The following TMEM74B variants were observed in gnomAD, a reference collection of about 807,000 sequenced individuals.
TMEM74B encodes transmembrane protein 74B, also known as transmembrane protein C20orf46.
In TMEM74B, 7 loss-of-function variants were observed where a neutral mutation model predicts 6.5. That is an observed-to-expected ratio of 1.07 (90% CI 0.61 to 2.01). The LOEUF is 2.01. TMEM74B is among the 30% of genes most tolerant of loss of function. The probability of loss-of-function intolerance (pLI) is 0.00; values close to 1 mark genes in which losing one functional copy is unlikely to be tolerated. For synonymous variants in TMEM74B, 151 were observed against 151.6 expected, an observed-to-expected ratio of 1.00 and a Z score of 0.03; for missense variants, 342 against 337.0, an observed-to-expected ratio of 1.01 and a Z score of -0.12.
chr20:1,186,982 A>C (rs1832250673), upstream of TMEM74B, among the ~76,000 whole-genome samples: 1 of 152,198 alleles, frequency 6.6e-6, no homozygotes, highest in Non-Finnish European at 1.5e-5. Flanking sequence ...TGTTATGGGA[A>C]TGGGATGAGA....
At position 1,181,324 on chromosome 20, in the gene TMEM74B, G is replaced by C; in HGVS notation, c.295C>G (p.Arg99Gly). 6.2e-7 allele frequency: 1 copy of C among 1,600,768 alleles called. No individual in the cohort carries two copies. The highest frequency in any genetic ancestry group is 8.5e-7 in the Non-Finnish European group (1 of 1,172,474). The part of the protein sequence containing the change: ...GGVSSLPRSQ[R>G]DDLSLHSEEG... Reference sequence around the variant, plus strand: ...TCTGAATGAAGGGACAGATCATCCCGCTGGGATCGGGGCAGTGAGGAGACA... The same window carrying C: ...TCTGAATGAAGGGACAGATCATCCCCCTGGGATCGGGGCAGTGAGGAGACA... The change falls in exon 3 of 3, where the codon CGG becomes GGG. Residue 99 changes from arginine to glycine, a missense_variant. Transcript: ENST00000429036. This position sits in a 1 kb window ranked among gnomAD's most constrained non-coding sequence, Gnocchi z 4.9.
At position 1,184,116 on chromosome 20, in the gene TMEM74B, A is replaced by G. The variant is rs979149434; in HGVS notation, c.-147-168T>C. On this transcript the variant is annotated intron_variant, in intron 1 of 2. Coordinates refer to ENST00000429036, the MANE Select transcript of TMEM74B (RefSeq NM_001304748.2). The surrounding 1 kb of genome is among the most constrained non-coding windows in gnomAD (Gnocchi z 6.0). ...CCACACCCTCAGCACCTTCCACCCAACTCAGCTCCTGGAGTGGCCCAGGAA... is the reference window on the plus strand; with the variant it reads ...CCACACCCTCAGCACCTTCCACCCAGCTCAGCTCCTGGAGTGGCCCAGGAA... 3.3e-6 allele frequency: 1 copy of G among 301,792 alleles called. No homozygotes were observed. The highest frequency in any genetic ancestry group is 5.1e-5 in the South Asian group (1 of 19,512). The allele number at this position is 301,792 out of a possible 1,614,324, so 18.7% of individuals were successfully genotyped here. A position where few individuals can be genotyped will look rare whatever the true frequency, so the allele number is the denominator to read the frequency against.
intron 2 of TMEM74B, among the ~76,000 whole-genome samples, chr20:1,182,607 A>G (rs1271588739): frequency 1.3e-5 from 2 of 152,152 alleles, no homozygotes; most frequent in African/African-American, 2.4e-5. Context: ...GCCTTTATGT[A>G]AACAGAAGTG....
At chr20:1,183,347 A>G (rs1000172295) in intron 2 of TMEM74B, among the ~76,000 whole-genome samples, 3 of 149,518 alleles carry the variant, frequency 2.0e-5, no homozygotes, top group Admixed American at 2.0e-4. Context: ...AATATGAGCA[A>G]ATGAAGTGAG....
Position 1,183,870 on chromosome 20 carries a change from C to A in TMEM74B, c.-69G>T. The A allele has an allele frequency of 6.3e-7, 1 of 1,592,948 alleles. No homozygotes were observed. Among genetic ancestry groups the A allele is most frequent in the South Asian group, 1.1e-5 (1 of 89,422 alleles). On this transcript the variant is annotated 5_prime_UTR_variant, in exon 2 of 3. An upstream open reading frame in the 5' UTR loses its in-frame stop. Transcript: ENST00000429036. ...CTCTTCATTTTATCCAGCTGTTTATCAGCAACCGTGAGCACCTTGAGAGCA... is the reference window on the plus strand; with the variant it reads ...CTCTTCATTTTATCCAGCTGTTTATAAGCAACCGTGAGCACCTTGAGAGCA...
At position 1,181,538 on chromosome 20, in the gene TMEM74B, A is replaced by G; in HGVS notation, c.81T>C (p.Ser27=). The change falls in exon 3 of 3, where the codon TCT becomes TCC. Residue 27 remains serine (S), a synonymous_variant. Coordinates refer to ENST00000429036, the MANE Select transcript of TMEM74B (RefSeq NM_001304748.2). The surrounding 1 kb of genome is among the most constrained non-coding windows in gnomAD (Gnocchi z 4.9). The stretch of plus-strand genomic sequence containing the variant: ...GTGTCTTCAGTTCCAGACCAGGGGG[A>G]GATGCCATTGGGAAGGAGGGCCCCA... ...DELGPSFPMA[S]PPGLELKTLS... is the part of the protein sequence containing the mutation. The G allele has an allele frequency of 1.4e-6, 2 of 1,477,902 alleles. No individual in the cohort carries two copies. Among genetic ancestry groups the G allele is most frequent in the Non-Finnish European group, 1.8e-6 (2 of 1,117,804 alleles). The allele number at this position is 1,477,902 out of a possible 1,614,324, so 91.5% of individuals were successfully genotyped here.
upstream of TMEM74B, among the ~76,000 whole-genome samples, chr20:1,187,477 G>C (rs2087036026): frequency 6.6e-6 from 1 of 152,216 alleles, no homozygotes; most frequent in African/African-American, 2.4e-5. Context: ...CAGGAAGCTT[G>C]TATTCTAGTG....
In TMEM74B at chr20:1,180,804, T is replaced by C. The variant is rs1568492566; in HGVS notation, c.*44A>G. ...GGTGGGCGGGAGCAGGGGGTGGACC[T>C]TGTAGCACTGGAGCTAAAGCAGCCA... On this transcript the variant is annotated 3_prime_UTR_variant, in exon 3 of 3. Transcript: ENST00000429036. The surrounding 1 kb of genome is among the most constrained non-coding windows in gnomAD (Gnocchi z 6.1). 1 of 1,529,012 alleles carries C rather than the reference T, an allele frequency of 6.5e-7. No individual in the cohort carries two copies. The highest frequency in any genetic ancestry group is 2.3e-5 in the East Asian group (1 of 43,954). The allele number at this position is 1,529,012 out of a possible 1,614,324, so 94.7% of individuals were successfully genotyped here. A position where few individuals can be genotyped will look rare whatever the true frequency, so the allele number is the denominator to read the frequency against.
chr20:1,186,338 A>C (rs1171794111), upstream of TMEM74B: 1 of 152,256 alleles, frequency 6.6e-6, no homozygotes, highest in Non-Finnish European at 1.5e-5. Flanking sequence ...TTTCCTTTAC[A>C]GGGCCGGAGT....
At chr20:1,185,982 A>T (rs964660183), upstream of TMEM74B, 1 of 152,056 alleles carries the variant, frequency 6.6e-6, no homozygotes, top group African/African-American at 2.4e-5. Flanking sequence ...TTTTCTCTGC[A>T]ATTTTTTTCT....
chr20:1,181,537 G>A lies in TMEM74B; in HGVS notation c.82C>T (p.Pro28Ser), dbSNP rs1465535802. ...AGTGTCTTCAGTTCCAGACCAGGGG[G>A]AGATGCCATTGGGAAGGAGGGCCCC... ...ELGPSFPMAS[P>S]PGLELKTLSN... The change falls in exon 3 of 3, where the codon CCC (proline) becomes TCC (serine). Residue 28 changes from proline (P) to serine (S), a missense_variant. Physicochemically the swap from Pro to Ser is moderately conservative, Grantham distance 74. Transcript: ENST00000429036. This position sits in a 1 kb window ranked among gnomAD's most constrained non-coding sequence, Gnocchi z 4.9. 6.7e-7 allele frequency: 1 copy of A among 1,481,496 alleles called. No individual in the cohort carries two copies. Among genetic ancestry groups the A allele is most frequent in the African/African-American group, 1.4e-5 (1 of 70,512 alleles). 91.8% of individuals were successfully genotyped at this position (1,481,496 alleles called of 1,614,324 possible).
chr20:1,183,642 C>T (rs1377305568), intron 2 of TMEM74B, 129 bp downstream of exon 2: 3 of 1,131,020 alleles, frequency 2.7e-6, no homozygotes, highest in Admixed American at 4.0e-5. Context: ...ATATCACCCT[C>T]ACCAGCCCCA....
rs1415804937 is a variant in TMEM74B at position 1,184,649 on chromosome 20, C to CAT, written c.-496_-495insAT. On this transcript the variant is annotated 5_prime_UTR_variant, in exon 1 of 3. The change creates a new upstream start codon in the 5' untranslated region. Coordinates refer to ENST00000429036, the MANE Select transcript of TMEM74B (RefSeq NM_001304748.2). The surrounding 1 kb of genome is among the most constrained non-coding windows in gnomAD (Gnocchi z 6.0). ...ACACACACACACACACACACACACA[C>CAT]ACACACAAAGTGCCCCTGGGAGTGA... 2 of 145,594 alleles carry CAT rather than the reference C, an allele frequency of 1.4e-5. No homozygotes were observed. The highest frequency in any genetic ancestry group is 3.0e-5 in the Non-Finnish European group (2 of 66,550). The allele number at this position is 145,594 out of a possible 1,614,324, so 9.0% of individuals were successfully genotyped here. A position where few individuals can be genotyped will look rare whatever the true frequency, so the allele number is the denominator to read the frequency against.
chr20:1,187,279 C>A (rs986396325), upstream of TMEM74B, among the ~76,000 whole-genome samples: 5 of 152,118 alleles, frequency 3.3e-5, no homozygotes, highest in South Asian at 2.1e-4. Context: ...TTGCTTATTG[C>A]CACCTCCCCT....
rs142394583 is a variant in TMEM74B, at chr20:1,183,290, CTG to C, written c.31+479_31+480del. 3.7e-3 allele frequency among the ~76,000 whole-genome samples: 547 copies of C among 149,190 alleles called. 6 individuals carry two copies. Among genetic ancestry groups the C allele is most frequent in the African/African-American group, 7.5e-3 (301 of 40,326 alleles). On this transcript the variant is annotated intron_variant, in intron 2 of 2. Transcript: ENST00000429036. ...TCTCCAGTGCACTGTGGTTCGTTCTCTGTGTGTGTGTGTGTGTGTGTGTGTTT... is the reference window on the plus strand; with the variant it reads ...TCTCCAGTGCACTGTGGTTCGTTCTCTGTGTGTGTGTGTGTGTGTGTGTTT...
intron 2 of TMEM74B, among the ~76,000 whole-genome samples, chr20:1,182,081 A>G (rs1380076728): frequency 1.3e-5 from 2 of 151,316 alleles, no homozygotes; most frequent in African/African-American, 4.9e-5. Context: ...AATGAATAAA[A>G]TGCCTCCCTC....
rs747449331 is a variant in TMEM74B at position 1,180,910 on chromosome 20, C to A, written c.709G>T (p.Ala237Ser). The A allele has an allele frequency of 5.0e-6, 8 of 1,613,152 alleles. No individual in the cohort carries two copies. The Admixed American group carries it at 6.7e-5, about 13-fold the overall frequency. Residue 237 changes from alanine to serine, a missense_variant, in exon 3 of 3, where the codon GCC (alanine) becomes TCC (serine). Coordinates refer to ENST00000429036, the MANE Select transcript of TMEM74B (RefSeq NM_001304748.2). This position sits in a 1 kb window ranked among gnomAD's most constrained non-coding sequence, Gnocchi z 6.1. ...MRQLNGDGGQALVENEVVQVS... is the reference protein window; with the variant it reads ...MRQLNGDGGQSLVENEVVQVS... ...TGGACAACTTCATTCTCCACCAGGG[C>A]CTGGCCCCCATCCCCATTGAGCTGT...
At chr20:1,183,313 TG>T (rs2086926124) in intron 2 of TMEM74B, among the ~76,000 whole-genome samples, 7 of 151,032 alleles carry the variant, frequency 4.6e-5, no homozygotes, top group South Asian at 2.1e-4. Context: ...TGTGTGTGTG[TG>T]TTTGTGTGTG....
upstream of TMEM74B, among the ~76,000 whole-genome samples, chr20:1,186,694 C>T (rs773415713): frequency 6.6e-6 from 1 of 152,148 alleles, no homozygotes. Context: ...TGCAGCCCTC[C>T]CCAACCAGGA....
Sources: allele counts gnomAD v4.1 joint callset (sites outside exome capture counted in the v4.1 genomes callset), GRCh38; gene constraint gnomAD v4.1.1; non-coding constraint Gnocchi (gnomAD v3.1); transcripts MANE v1.5; gene names NCBI Gene and HGNC (gene_info 2026-07-23, HGNC 2026-07-21).